IQSEC1: variants seen among roughly 807,000 people sequenced by gnomAD.
IQSEC1 encodes the protein IQ motif and Sec7 domain ArfGEF 1.
IQSEC1 carries 31 observed loss-of-function variants against 91.0 expected under a neutral mutation model. The observed-to-expected ratio is 0.34, with a 90% CI of 0.26 to 0.46. The LOEUF (loss-of-function observed/expected upper bound fraction) is 0.46. Ranked by LOEUF, IQSEC1 falls within the 20% of genes least tolerant of loss-of-function variation. The pLI is 1.00. For synonymous variants in IQSEC1, 699 were observed against 662.6 expected (o/e 1.05, Z -0.84); for missense variants, 1,388 against 1,575.6 (o/e 0.88, Z 2.02).
intron 6 of IQSEC1, among the ~76,000 whole-genome samples, chr3:12,916,280 C>T (rs969436554): frequency 3.9e-5 from 6 of 152,198 alleles, no homozygotes; most frequent in Admixed American, 6.5e-5. Flanking sequence ...GCGCCTGGGG[C>T]GTGCCCAGCT....
At chr3:13,070,976 A>C in intron 1 of IQSEC1, among the ~76,000 whole-genome samples, 1 of 152,128 alleles carries the variant, frequency 6.6e-6, no homozygotes, top group East Asian at 1.9e-4. Context: ...GTCCCTGCAA[A>C]ACTGCAATTG....
Position 12,909,520 on chromosome 3 carries a change from G to T in IQSEC1, c.2417-86C>A. On this transcript the variant is annotated intron_variant, in intron 10 of 13. Coordinates refer to ENST00000613206, the MANE Select transcript of IQSEC1 (RefSeq NM_001134382.3). The surrounding 1 kb of genome is among the most constrained non-coding windows in gnomAD (Gnocchi z 4.9). Reference sequence around the variant, plus strand: ...CTCTCTGGTCAGGAAACAATGGTAGGGCTGAGTTGTGCGTGAGCCTGGGAT... The same window carrying T: ...CTCTCTGGTCAGGAAACAATGGTAGTGCTGAGTTGTGCGTGAGCCTGGGAT... The T allele has an allele frequency of 7.3e-7, 1 of 1,367,570 alleles. No individual in the cohort carries two copies. Among genetic ancestry groups the T allele is most frequent in the Non-Finnish European group, 1.0e-6 (1 of 982,278 alleles). The allele number at this position is 1,367,570 out of a possible 1,614,324, so 84.7% of individuals were successfully genotyped here.
chr3:12,910,578 A>C (rs1279231476), intron 10 of IQSEC1, among the ~76,000 whole-genome samples: 4 of 152,210 alleles, frequency 2.6e-5, no homozygotes, highest in Non-Finnish European at 5.9e-5. Flanking sequence ...CAGGAATGGC[A>C]GGAGGTGGGG....
At chr3:13,224,144 A>G (rs1371268896) in intron 1 of IQSEC1, among the ~76,000 whole-genome samples, 1 of 152,120 alleles carries the variant, frequency 6.6e-6, no homozygotes, top group Non-Finnish European at 1.5e-5. Context: ...TACACAATCC[A>G]GGGCCGGTGC....
chr3:13,254,127 G>A (rs1446364555), intron 1 of IQSEC1, among the ~76,000 whole-genome samples: 5 of 152,220 alleles, frequency 3.3e-5, no homozygotes, highest in African/African-American at 4.8e-5. Flanking sequence ...GCATCACAAC[G>A]CTGCCCTCTG....
intron 1 of IQSEC1, among the ~76,000 whole-genome samples, chr3:13,043,069 C>T (rs1159185498): frequency 6.6e-6 from 1 of 152,120 alleles, no homozygotes; most frequent in East Asian, 1.9e-4. Context: ...GTTGCCTGGG[C>T]GACGGGGACA....
At chr3:13,071,529 C>T (rs1441586517) in intron 1 of IQSEC1, among the ~76,000 whole-genome samples, 1 of 152,202 alleles carries the variant, frequency 6.6e-6, no homozygotes, top group Non-Finnish European at 1.5e-5. Context: ...AGGACCTATT[C>T]CCAGCCACTG....
rs185836989 is a variant in IQSEC1 at position 12,909,397 on chromosome 3, G to A, written c.2454C>T (p.Pro818=). 25 of 1,614,156 alleles carry A rather than the reference G, an allele frequency of 1.5e-5. No individual in the cohort carries two copies. In the Admixed American group the frequency reaches 1.7e-4, roughly 11 times the overall value. ...TTATTAACACTTTGATATCTGCTCCGGGGACAGACGAGGTGAGCCGGATGC... is the reference window on the plus strand; with the variant it reads ...TTATTAACACTTTGATATCTGCTCCAGGGACAGACGAGGTGAGCCGGATGC... ...PNGIRLTSSV[P]GADIKVLINF... The change falls in exon 11 of 14, where the codon CCC becomes CCT. Residue 818 remains proline, a synonymous_variant. Coordinates refer to ENST00000613206, the MANE Select transcript of IQSEC1 (RefSeq NM_001134382.3). The surrounding 1 kb of genome is among the most constrained non-coding windows in gnomAD (Gnocchi z 4.9).
At chr3:13,029,599 T>C (rs1413714308) in intron 1 of IQSEC1, among the ~76,000 whole-genome samples, 2 of 152,246 alleles carry the variant, frequency 1.3e-5, no homozygotes, top group African/African-American at 4.8e-5. Context: ...GCCTCAATTC[T>C]TTAGCCCCTG....
Position 12,935,316 on chromosome 3 carries a change from T to A in IQSEC1, c.1568+132A>T, listed in dbSNP as rs1698068683. The A allele has an allele frequency of 4.7e-6, 4 of 850,372 alleles. No homozygotes were observed. The highest frequency in any genetic ancestry group is 7.2e-6 in the Non-Finnish European group (4 of 551,802). The allele number at this position is 850,372 out of a possible 1,614,324, so 52.7% of individuals were successfully genotyped here. A position where few individuals can be genotyped will look rare whatever the true frequency, so the allele number is the denominator to read the frequency against. On this transcript the variant is annotated intron_variant, in intron 3 of 13. Transcript: ENST00000613206. The surrounding 1 kb of genome is among the most constrained non-coding windows in gnomAD (Gnocchi z 8.0). ...GGCACCGTCCTAGCCACCGACCTTG[T>A]GTGGCAGCTTCCTATGCTCATAGGC...
chr3:13,048,002 C>T (rs1704561950), intron 1 of IQSEC1, among the ~76,000 whole-genome samples: 1 of 152,140 alleles, frequency 6.6e-6, no homozygotes, highest in Non-Finnish European at 1.5e-5. Context: ...ACTCGGCGTC[C>T]AGCTCTGGAT....
Position 12,941,845 on chromosome 3 carries a change from C to A in IQSEC1, c.44G>T (p.Ser15Ile), listed in dbSNP as rs1229605668. The change falls in exon 2 of 14, where the codon AGC becomes ATC. Residue 15 changes from serine (S) to isoleucine (I), a missense_variant. By Grantham distance (142) the Ser-to-Ile change is moderately radical. Transcript: ENST00000613206. ...RRYFVEGEAPSSETGTSLDSP... is the reference protein window; with the variant it reads ...RRYFVEGEAPISETGTSLDSP... ...GTCCAGGGATGTGCCAGTCTCACTG[C>A]TGGGGGCCTCGCCCTCGACGCTGCA... is the stretch of plus-strand genomic sequence containing the variant. The A allele has an allele frequency of 1.2e-6, 2 of 1,602,966 alleles. No individual in the cohort carries two copies. Among genetic ancestry groups the A allele is most frequent in the East Asian group, 4.5e-5 (2 of 44,608 alleles).
intron 1 of IQSEC1, among the ~76,000 whole-genome samples, chr3:13,038,053 T>G (rs1380787821): frequency 1.3e-5 from 2 of 151,930 alleles, no homozygotes; most frequent in African/African-American, 4.8e-5. Flanking sequence ...AACTTGCAAT[T>G]TATAATACTA....
chr3:12,941,748 C>T lies in IQSEC1; in HGVS notation c.141G>A (p.Thr47=), dbSNP rs144196840. ...SSLSPDHYEH[T]SVGAYGLYSG... ...AGTACAGCCCATAGGCTCCCACTGA[C>T]GTGTGCTCGTAGTGATCCGGGCTCA... is the stretch of plus-strand genomic sequence containing the variant. The change falls in exon 2 of 14, where the codon ACG becomes ACA. Residue 47 remains threonine (T), a synonymous_variant. Coordinates refer to ENST00000613206, the MANE Select transcript of IQSEC1 (RefSeq NM_001134382.3). The T allele has an allele frequency of 4.7e-5, 76 of 1,612,214 alleles. No homozygotes were observed. The highest frequency in any genetic ancestry group is 5.9e-5 in the Non-Finnish European group (70 of 1,179,978).
At chr3:13,110,329 A>G (rs28373746) in intron 2 of IQSEC1, among the ~76,000 whole-genome samples, 68,602 of 151,476 alleles carry the variant, frequency 0.45, 16,168 homozygotes, top group South Asian at 0.66. Flanking sequence ...GGTGGCTCAC[A>G]CCTGAAATCC....
At chr3:12,955,558 C>T (rs1165220844) in intron 1 of IQSEC1, among the ~76,000 whole-genome samples, 1 of 152,220 alleles carries the variant, frequency 6.6e-6, no homozygotes, top group African/African-American at 2.4e-5. Context: ...CACAGAGGGG[C>T]CCCAATCTGC....
At chr3:13,225,307 C>T (rs1274374028) in intron 1 of IQSEC1, among the ~76,000 whole-genome samples, 2 of 152,194 alleles carry the variant, frequency 1.3e-5, no homozygotes, top group East Asian at 3.9e-4. Context: ...GGATGAAAGG[C>T]AATGGTACTT....
At position 12,902,791 on chromosome 3, in the gene IQSEC1, C is replaced by T. The variant is rs768225583; in HGVS notation, c.2787G>A (p.Ser929=). The change falls in exon 13 of 14, where the codon TCG becomes TCA. Residue 929 remains serine (S), a synonymous_variant. Transcript: ENST00000613206. The part of the protein sequence containing the change: ...GKRGRRSSAG[S]LESNVEGSII... ...TACTTACTTCCACATTGCTCTCTAG[C>T]GATCCCGCACTGCTGCGACGCCCTC... is the stretch of plus-strand genomic sequence containing the variant. 44 of 1,612,892 alleles carry T rather than the reference C, an allele frequency of 2.7e-5. No homozygotes were observed. The highest frequency in any genetic ancestry group is 3.5e-5 in the Non-Finnish European group (41 of 1,179,412).
At chr3:13,276,667 G>T (rs1344061398) in intron 1 of IQSEC1, among the ~76,000 whole-genome samples, 1 of 152,226 alleles carries the variant, frequency 6.6e-6, no homozygotes, top group Non-Finnish European at 1.5e-5. Flanking sequence ...CCCAGAGCAA[G>T]GCCAAGGCTG....
Sources: gnomAD v4.1 joint callset for allele counts (sites outside exome capture counted in the v4.1 genomes callset) on GRCh38, gnomAD v4.1.1 for gene constraint, Gnocchi (gnomAD v3.1) non-coding constraint, MANE v1.5 for transcripts, NCBI Gene and HGNC (gene_info 2026-07-23, HGNC 2026-07-21) for gene names.